RBFOX1: variants seen among roughly 807,000 people sequenced by gnomAD.
RBFOX1 encodes the protein RNA binding fox-1 homolog 1.
RBFOX1 carries 8 observed loss-of-function variants against 57.7 expected under a neutral mutation model. That is an observed-to-expected ratio of 0.14 (90% CI 0.08 to 0.25). The LOEUF (loss-of-function observed/expected upper bound fraction) is 0.25, where lower values mean the gene tolerates loss of function less well. RBFOX1 is among the 10% of genes least tolerant of loss of function. The pLI, the probability that RBFOX1 is intolerant of heterozygous loss-of-function variation, is 1.00. For synonymous variants in RBFOX1, 326 were observed against 222.4 expected, an observed-to-expected ratio of 1.47 and a Z score of -4.15; for missense variants, 611 against 548.5, an observed-to-expected ratio of 1.11 and a Z score of -1.14.
At chr16:7,244,247 CAA>C (rs60054791) in intron 4 of RBFOX1, among the ~76,000 whole-genome samples, 9,815 of 98,854 alleles carry the variant, frequency 0.099, 276 homozygotes, top group Middle Eastern at 0.12. Flanking sequence ...CAAAGTATTC[CAA>C]AAAAAAAAAA....
At chr16:6,847,887 G>C (rs2093844591) in intron 3 of RBFOX1, among the ~76,000 whole-genome samples, 1 of 151,998 alleles carries the variant, frequency 6.6e-6, no homozygotes, top group Non-Finnish European at 1.5e-5. Flanking sequence ...AGTCAGGCTG[G>C]AGAGTACTGG....
chr16:7,107,504 T>C (rs2063819798), intron 4 of RBFOX1, among the ~76,000 whole-genome samples: 1 of 152,138 alleles, frequency 6.6e-6, no homozygotes, highest in South Asian at 2.1e-4. Flanking sequence ...TAACTGTACA[T>C]ATGTAAAGTG....
chr16:7,123,721 T>C (rs147468826), intron 4 of RBFOX1, among the ~76,000 whole-genome samples: 1 of 152,188 alleles, frequency 6.6e-6, no homozygotes, highest in Non-Finnish European at 1.5e-5. Context: ...ATATGGTGAC[T>C]ACTTGGACAT....
chr16:6,830,031 C>T (rs945378849), intron 3 of RBFOX1, among the ~76,000 whole-genome samples: 2 of 152,084 alleles, frequency 1.3e-5, no homozygotes, highest in African/African-American at 4.8e-5. Context: ...ATTCTCATGC[C>T]TCAGCCTCCC....
intron 4 of RBFOX1, among the ~76,000 whole-genome samples, chr16:5,948,115 T>A (rs961506593): frequency 6.6e-5 from 10 of 151,946 alleles, no homozygotes; most frequent in Non-Finnish European, 1.5e-4. Context: ...AGAAAGGAAG[T>A]GCAGTTGAAA....
At chr16:6,483,955 G>A in intron 2 of RBFOX1, 1 of 1,050,134 alleles carries the variant, frequency 9.5e-7, no homozygotes. Context: ...CTCGGAGACT[G>A]TGCTCAGGGC....
chr16:7,129,422 G>A (rs1030337888), intron 4 of RBFOX1, among the ~76,000 whole-genome samples: 4 of 152,128 alleles, frequency 2.6e-5, no homozygotes, highest in African/African-American at 9.7e-5. Flanking sequence ...GTTATTTTCA[G>A]AAGAAGTAAT....
chr16:6,524,751 C>T (rs549286693), intron 2 of RBFOX1, among the ~76,000 whole-genome samples: 5 of 152,220 alleles, frequency 3.3e-5, no homozygotes, highest in South Asian at 2.1e-4. Context: ...CCACAGCCTC[C>T]GTTGGTTGTC....
chr16:5,887,311 A>C (rs1453115530), intron 4 of RBFOX1, among the ~76,000 whole-genome samples: 1 of 152,170 alleles, frequency 6.6e-6, no homozygotes, highest in Non-Finnish European at 1.5e-5. Flanking sequence ...TAACAACTAG[A>C]AATGATGCAA....
intron 1 of RBFOX1, among the ~76,000 whole-genome samples, chr16:6,049,708 TA>T (rs2095532647): frequency 6.6e-6 from 1 of 152,184 alleles, no homozygotes; most frequent in South Asian, 2.1e-4. Flanking sequence ...AAATAGTCTT[TA>T]TTTTTTTACA....
At chr16:7,090,063 C>G (rs1271336504) in intron 4 of RBFOX1, among the ~76,000 whole-genome samples, 3 of 152,114 alleles carry the variant, frequency 2.0e-5, no homozygotes, top group Non-Finnish European at 2.9e-5. Flanking sequence ...AGGTTCTGCT[C>G]TTGCCTTCTA....
chr16:7,154,591 C>G (rs960121650), intron 4 of RBFOX1, among the ~76,000 whole-genome samples: 8 of 151,828 alleles, frequency 5.3e-5, no homozygotes, highest in Non-Finnish European at 7.4e-5. Flanking sequence ...AACTTGAAGG[C>G]ATTTAGAAGA....
chr16:5,367,754 A>G (rs531344356), intron 1 of RBFOX1, among the ~76,000 whole-genome samples: 9 of 152,342 alleles, frequency 5.9e-5, no homozygotes, highest in African/African-American at 2.2e-4. Flanking sequence ...AAAATGAGAC[A>G]GGGCACACGG....
chr16:7,029,243 TATATATATACACAC>T (rs2042132251), intron 3 of RBFOX1, among the ~76,000 whole-genome samples: 1 of 56,692 alleles, frequency 1.8e-5, no homozygotes, highest in Non-Finnish European at 3.1e-5. Flanking sequence ...TACGTATACG[TATATATATACACAC>T]ATATATATAC....
intron 2 of RBFOX1, among the ~76,000 whole-genome samples, chr16:6,358,824 C>T (rs2087865722): frequency 6.6e-6 from 1 of 152,104 alleles, no homozygotes. Flanking sequence ...TTTAAAATAT[C>T]TTTTATCTCT....
At chr16:7,591,451 A>T (rs1000543075) in intron 7 of RBFOX1, among the ~76,000 whole-genome samples, 11 of 152,212 alleles carry the variant, frequency 7.2e-5, no homozygotes, top group African/African-American at 2.7e-4. Context: ...GATATCACCT[A>T]AAAATACAAA....
chr16:5,675,550 GA>G (rs1353204751), intron 3 of RBFOX1, among the ~76,000 whole-genome samples: 2 of 152,188 alleles, frequency 1.3e-5, no homozygotes, highest in African/African-American at 4.8e-5. Context: ...TGGAAACACA[GA>G]AAACAAGGCA....
intron 3 of RBFOX1, among the ~76,000 whole-genome samples, chr16:5,647,505 T>C (rs2049091836): frequency 6.6e-6 from 1 of 152,192 alleles, no homozygotes; most frequent in African/African-American, 2.4e-5. Flanking sequence ...AGGCAAGTTA[T>C]CTGAAGCTCA....
chr16:6,385,203 A>G (rs1273078158), intron 2 of RBFOX1, among the ~76,000 whole-genome samples: 1 of 152,202 alleles, frequency 6.6e-6, no homozygotes, highest in Non-Finnish European at 1.5e-5. Context: ...GGTTGAGCCA[A>G]GCTTTTTCGT....
Sources: gnomAD v4.1 joint callset for allele counts (sites outside exome capture counted in the v4.1 genomes callset) on GRCh38, gnomAD v4.1.1 for gene constraint, MANE v1.5 for transcripts, NCBI Gene and HGNC (gene_info 2026-07-23, HGNC 2026-07-21) for gene names.